BEGAIN: variants seen among roughly 807,000 people sequenced by gnomAD.
The protein encoded by BEGAIN is brain-enriched guanylate kinase-associated protein.
A neutral mutation model predicts 35.8 loss-of-function variants in BEGAIN; 19 were observed. The observed-to-expected ratio is 0.53, with a 90% CI of 0.37 to 0.78. The LOEUF (loss-of-function observed/expected upper bound fraction) is 0.78, where lower values mean the gene tolerates loss of function less well. Ranked by LOEUF, BEGAIN falls within the 30% of genes least tolerant of loss-of-function variation. The pLI, the probability that BEGAIN is intolerant of heterozygous loss-of-function variation, is 0.00. For missense variants in BEGAIN, 795 were observed against 853.6 expected, an observed-to-expected ratio of 0.93 and a Z score of 0.85; for synonymous variants, 462 against 388.6, an observed-to-expected ratio of 1.19 and a Z score of -2.22.
intron 2 of BEGAIN, 142 bp from the exon 3 acceptor site, chr14:100,546,804 A>ACACACT (rs1555400527): frequency 1.4e-5 from 9 of 632,860 alleles, no homozygotes; most frequent in Non-Finnish European, 2.0e-5. Flanking sequence ...ACACACACAC[A>ACACACT]CACACACACT....
Position 100,538,609 on chromosome 14 carries a change from C to T in BEGAIN, c.1199G>A (p.Arg400His). ...TMSPYPAETF[R>H]FPASPGPQQA... ...CTGGGGACCCGGAGAGGCCGGGAAG[C>T]GGAAGGTCTCGGCCGGGTACGGTGA... The change falls in exon 7 of 7, where the codon CGC becomes CAC. Residue 400 changes from arginine to histidine, a missense_variant. Arg to His is a conservative substitution (Grantham distance 29, BLOSUM62 0). Coordinates refer to ENST00000554140, the MANE Select transcript of BEGAIN (RefSeq NM_001385089.1). 1.3e-6 allele frequency: 2 copies of T among 1,547,512 alleles called. No homozygotes were observed. The highest frequency in any genetic ancestry group is 1.7e-6 in the Non-Finnish European group (2 of 1,145,368).
At chr14:100,542,197 T>C (rs900820289) in intron 5 of BEGAIN, among the ~76,000 whole-genome samples, 2 of 152,062 alleles carry the variant, frequency 1.3e-5, no homozygotes, top group Non-Finnish European at 2.9e-5. Flanking sequence ...ACCGCTCCAC[T>C]CCACCACCGA....
At chr14:100,566,394 G>A (rs1284459729) in intron 2 of BEGAIN, among the ~76,000 whole-genome samples, 2 of 152,238 alleles carry the variant, frequency 1.3e-5, no homozygotes, top group African/African-American at 2.4e-5. Flanking sequence ...GCCTTGGCCG[G>A]GCACAGGGAA....
intron 4 of BEGAIN, 44 bp downstream of exon 4, chr14:100,544,956 A>C: frequency 6.9e-6 from 11 of 1,592,078 alleles, no homozygotes; most frequent in African/African-American, 1.3e-5. Context: ...CCCCCCGGGA[A>C]GGAGGTGTGG....
chr14:100,542,242 G>A (rs1423743136), intron 5 of BEGAIN, among the ~76,000 whole-genome samples: 1 of 152,154 alleles, frequency 6.6e-6, no homozygotes, highest in African/African-American at 2.4e-5. Context: ...CCTCTCCTTG[G>A]CCCTCTGACC....
chr14:100,574,122 A>C (rs2035151118), intron 1 of BEGAIN, among the ~76,000 whole-genome samples: 1 of 152,184 alleles, frequency 6.6e-6, no homozygotes, highest in African/African-American at 2.4e-5. Context: ...GGTGCTGGGC[A>C]CGTGGTGGGG....
chr14:100,546,705 CG>C (rs2032515364), intron 2 of BEGAIN, 43 bp from the exon 3 acceptor site: 1 of 1,518,570 alleles, frequency 6.6e-7, no homozygotes, highest in Non-Finnish European at 8.8e-7. Context: ...CGGCGCTGAG[CG>C]GGGGAAACTA....
chr14:100,541,647 G>A (rs1409830969), intron 5 of BEGAIN, among the ~76,000 whole-genome samples: 3 of 152,192 alleles, frequency 2.0e-5, no homozygotes, highest in African/African-American at 7.2e-5. Context: ...CCAGAGGGCT[G>A]CAGGCACTGC....
rs2030930556 is a variant in BEGAIN at position 100,538,373 on chromosome 14, CCTT to C, written c.1432_1434del (p.Lys478del). 6.6e-7 allele frequency: 1 copy of C among 1,515,560 alleles called. No individual in the cohort carries two copies. Among genetic ancestry groups the C allele is most frequent in the Non-Finnish European group, 8.8e-7 (1 of 1,139,192 alleles). 93.9% of individuals were successfully genotyped at this position (1,515,560 alleles called of 1,614,324 possible). A position where few individuals can be genotyped will look rare whatever the true frequency, so the allele number is the denominator to read the frequency against. On this transcript the variant is annotated inframe_deletion, in exon 7 of 7. Coordinates refer to ENST00000554140, the MANE Select transcript of BEGAIN (RefSeq NM_001385089.1). ...TAGAGCGGGCTGGCGCGGCCGTCGGCCTTCTTGCCCGGGCTGCCCCCGGCCCCG... is the reference window on the plus strand; with the variant it reads ...TAGAGCGGGCTGGCGCGGCCGTCGGCCTTGCCCGGGCTGCCCCCGGCCCCG...
chr14:100,544,982 G>T lies in BEGAIN; in HGVS notation c.300+18C>A. On this transcript the variant is annotated intron_variant, in intron 4 of 6. Coordinates refer to ENST00000554140, the MANE Select transcript of BEGAIN (RefSeq NM_001385089.1). ...GGAGGTGTGGGGTGGGGGAGTGGGCGCTGCGTGGCGGCCTCACCATGCGGT... is the reference window on the plus strand; with the variant it reads ...GGAGGTGTGGGGTGGGGGAGTGGGCTCTGCGTGGCGGCCTCACCATGCGGT... 1 of 1,608,986 alleles carries T rather than the reference G, an allele frequency of 6.2e-7. No homozygotes were observed. The highest frequency in any genetic ancestry group is 8.5e-7 in the Non-Finnish European group (1 of 1,179,280).
At chr14:100,583,391 T>C (rs1430818795) in intron 1 of BEGAIN, among the ~76,000 whole-genome samples, 1 of 152,118 alleles carries the variant, frequency 6.6e-6, no homozygotes. Flanking sequence ...GCACTACCTG[T>C]ATCCATTTAT....
chr14:100,577,433 C>T, intron 1 of BEGAIN: 2 of 399,482 alleles, frequency 5.0e-6, no homozygotes, highest in Non-Finnish European at 4.4e-6. Flanking sequence ...GTGGCCGCCT[C>T]CGAAGAAAGC....
intron 1 of BEGAIN, among the ~76,000 whole-genome samples, chr14:100,583,927 G>C (rs2035379882): frequency 6.6e-6 from 1 of 152,094 alleles, no homozygotes; most frequent in African/African-American, 2.4e-5. Context: ...TTGAACTCCT[G>C]ACCTCAGGTG....
intron 2 of BEGAIN, among the ~76,000 whole-genome samples, chr14:100,561,227 G>A (rs1426039384): frequency 1.3e-5 from 2 of 152,118 alleles, no homozygotes; most frequent in African/African-American, 4.8e-5. Flanking sequence ...AGGGCCCCAC[G>A]CTGCCAGGCC....
rs559006115 is a variant in BEGAIN, at chr14:100,573,138, A to G, written c.43-5199T>C. On this transcript the variant is annotated intron_variant, in intron 1 of 6. Transcript: ENST00000554140. The surrounding 1 kb of genome is among the most constrained non-coding windows in gnomAD (Gnocchi z 4.2). ...GATGAAGTGAGCTGAGCCCAGTAGC[A>G]GATGAATCCCAAGGGGCCACTGGAG... Among the ~76,000 whole-genome samples the G allele has an allele frequency of 1.7e-4, 26 of 151,226 alleles. No individual in the cohort carries two copies. The South Asian group carries it at 5.3e-3, about 31-fold the overall frequency.
chr14:100,567,158 A>T lies in BEGAIN; in HGVS notation c.71+753T>A, dbSNP rs1380031934. On this transcript the variant is annotated intron_variant, in intron 2 of 6. Coordinates refer to ENST00000554140, the MANE Select transcript of BEGAIN (RefSeq NM_001385089.1). The surrounding 1 kb of genome is among the most constrained non-coding windows in gnomAD (Gnocchi z 5.1). The stretch of plus-strand genomic sequence containing the variant: ...TGCCGCCCACACAACGCCTCGGCTC[A>T]GGCTCCGGAAGGAAAACACGGGAGG... 5.9e-5 allele frequency among the ~76,000 whole-genome samples: 9 copies of T among 152,186 alleles called. No homozygotes were observed. Among genetic ancestry groups the T allele is most frequent in the Non-Finnish European group, 2.9e-5 (2 of 68,032 alleles).
intron 1 of BEGAIN, among the ~76,000 whole-genome samples, chr14:100,572,779 G>T (rs1005626534): frequency 6.6e-6 from 1 of 152,168 alleles, no homozygotes; most frequent in Non-Finnish European, 1.5e-5. Flanking sequence ...TCCTGGGGAC[G>T]GGGTGTGGCT....
At chr14:100,557,414 C>T (rs539764475) in intron 2 of BEGAIN, among the ~76,000 whole-genome samples, 6 of 152,356 alleles carry the variant, frequency 3.9e-5, no homozygotes, top group African/African-American at 1.4e-4. Flanking sequence ...GGTCCAGATC[C>T]CAGACCCTCT....
intron 4 of BEGAIN, among the ~76,000 whole-genome samples, chr14:100,544,439 G>C (rs74825085): frequency 0.032 from 4,884 of 152,306 alleles, 246 homozygotes; most frequent in African/African-American, 0.11. Flanking sequence ...ACCAAAATGA[G>C]CTGGTCACCA....
Sources: allele counts gnomAD v4.1 joint callset (sites outside exome capture counted in the v4.1 genomes callset), GRCh38; gene constraint gnomAD v4.1.1; non-coding constraint Gnocchi (gnomAD v3.1); transcripts MANE v1.5; gene names NCBI Gene and HGNC (gene_info 2026-07-23, HGNC 2026-07-21).